TMEM116: variants seen among roughly 807,000 people sequenced by gnomAD.
TMEM116 encodes transmembrane protein 116.
In TMEM116, 38 loss-of-function variants were observed where a neutral mutation model predicts 44.3. The ratio of observed to expected loss-of-function variants is 0.86; its 90% CI spans 0.66 to 1.12. The LOEUF is 1.12. Among genes scored for constraint, TMEM116 ranks in the 50% most tolerant of loss-of-function variants. TMEM116 has a pLI of 0.00. For synonymous variants in TMEM116, 132 were observed against 144.8 expected (o/e 0.91, Z 0.64); for missense variants, 354 against 401.7 (o/e 0.88, Z 1.01).
intron 5 of TMEM116, among the ~76,000 whole-genome samples, chr12:111,939,879 T>C (rs963352114): frequency 4.2e-5 from 5 of 119,232 alleles, no homozygotes; most frequent in African/African-American, 1.0e-4. Flanking sequence ...TCTTCAAAGC[T>C]CTGTGTGTGT....
Position 112,003,868 on chromosome 12 carries a change from GA to G in TMEM116, c.15-6del. 6.7e-7 allele frequency: 1 copy of G among 1,495,950 alleles called. No homozygotes were observed. The allele number at this position is 1,495,950 out of a possible 1,614,324, so 92.7% of individuals were successfully genotyped here. On this transcript the variant is annotated splice_polypyrimidine_tract_variant and splice_region_variant and intron_variant, in intron 2 of 10. Coordinates refer to ENST00000552374, the MANE Select transcript of TMEM116 (RefSeq NM_001193531.2). ...AGTGAACTTGAACCTATAACACTGA[GA>G]AATTTAGAAGATGATTGATCATTAA... is the stretch of plus-strand genomic sequence containing the variant.
Position 111,962,589 on chromosome 12 carries a change from C to T in TMEM116, c.211-19220G>A, listed in dbSNP as rs958205444. On this transcript the variant is annotated intron_variant, in intron 4 of 10. Transcript: ENST00000552374. ...AAAGGATTGCCTATTTAATAAATGG[C>T]GTTGGAAAAACTGGCTAGCCATGTG... 2.0e-5 allele frequency among the ~76,000 whole-genome samples: 3 copies of T among 152,030 alleles called. No homozygotes were observed. In the South Asian group the frequency reaches 6.2e-4, roughly 32 times the overall value.
intron 2 of TMEM116, among the ~76,000 whole-genome samples, chr12:112,004,077 C>A (rs1170596146): frequency 1.3e-5 from 2 of 152,036 alleles, no homozygotes; most frequent in Non-Finnish European, 2.9e-5. Context: ...AACTCCTGGG[C>A]CCTGGTGATC....
intron 1 of TMEM116, among the ~76,000 whole-genome samples, chr12:112,009,683 C>CAA (rs774025829): frequency 9.4e-5 from 13 of 138,594 alleles, no homozygotes; most frequent in African/African-American, 2.4e-4. Context: ...ACTAAAAATA[C>CAA]AAAAAAAAAA....
At chr12:111,981,044 A>T (rs988287039) in intron 4 of TMEM116, among the ~76,000 whole-genome samples, 2 of 151,200 alleles carry the variant, frequency 1.3e-5, no homozygotes, top group Non-Finnish European at 2.9e-5. Flanking sequence ...ACTGCTGGGT[A>T]ACAGAGCGAG....
chr12:111,963,742 C>G (rs1375854564), intron 4 of TMEM116, among the ~76,000 whole-genome samples: 1 of 152,100 alleles, frequency 6.6e-6, no homozygotes, highest in Non-Finnish European at 1.5e-5. Flanking sequence ...GTGCAGCAAA[C>G]CACCATGGCA....
intron 1 of TMEM116, chr12:112,010,821 G>T (rs2077805290): frequency 6.6e-6 from 1 of 152,242 alleles, no homozygotes; most frequent in African/African-American, 2.4e-5. Flanking sequence ...GGTTTTTATG[G>T]ACCTCCGAGG....
chr12:111,932,481 T>C (rs1342481658), intron 10 of TMEM116, 105 bp downstream of exon 10: 3 of 919,400 alleles, frequency 3.3e-6, no homozygotes, highest in Non-Finnish European at 5.2e-6. Context: ...TTTTGCAATG[T>C]AGAAGTACCC....
intron 4 of TMEM116, among the ~76,000 whole-genome samples, chr12:111,968,555 T>C (rs930604125): frequency 6.6e-6 from 1 of 152,142 alleles, no homozygotes; most frequent in African/African-American, 2.4e-5. Context: ...AAACATGACC[T>C]ATACTAAGGA....
At chr12:112,004,361 T>C (rs2077459204) in intron 2 of TMEM116, among the ~76,000 whole-genome samples, 1 of 152,026 alleles carries the variant, frequency 6.6e-6, no homozygotes, top group Admixed American at 6.6e-5. Flanking sequence ...CATAGCTCAC[T>C]GCAGCCTCCA....
chr12:111,942,781 T>C (rs2072951535), intron 5 of TMEM116, among the ~76,000 whole-genome samples: 1 of 136,742 alleles, frequency 7.3e-6, no homozygotes, highest in Admixed American at 8.8e-5. Context: ...TGTGTGTGTG[T>C]GGGTGTGTGT....
In TMEM116 at chr12:111,962,142, A is replaced by C. The variant is rs560087098; in HGVS notation, c.211-18773T>G. Among the ~76,000 whole-genome samples, 439 of 152,346 alleles carry C rather than the reference A, an allele frequency of 2.9e-3. 1 individual carries two copies. The highest frequency in any genetic ancestry group is 4.7e-3 in the Non-Finnish European group (321 of 68,038). ...AAGGACCTCTTCAAGAAGAACTACA[A>C]ACTGCTGCTGAAGGAAATAAGAGAG... On this transcript the variant is annotated intron_variant, in intron 4 of 10. Coordinates refer to ENST00000552374, the MANE Select transcript of TMEM116 (RefSeq NM_001193531.2).
intron 1 of TMEM116, among the ~76,000 whole-genome samples, chr12:112,009,535 TAA>T (rs35585213): frequency 6.6e-4 from 83 of 125,736 alleles, no homozygotes; most frequent in Middle Eastern, 4.2e-3. Context: ...TGGGTTTACT[TAA>T]AAAAAAAAAA....
intron 3 of TMEM116, chr12:111,993,939 G>T: frequency 4.5e-6 from 3 of 663,302 alleles, no homozygotes; most frequent in South Asian, 4.1e-5. Context: ...GTATCATTAT[G>T]ACTGGTACTC....
At chr12:111,998,757 G>T (rs542233106) in intron 3 of TMEM116, among the ~76,000 whole-genome samples, 14 of 152,254 alleles carry the variant, frequency 9.2e-5, no homozygotes, top group Admixed American at 9.2e-4. Flanking sequence ...GGAGATGGAG[G>T]TTGCAGTGAG....
chr12:111,955,881 ACC>A (rs775107258), intron 4 of TMEM116, among the ~76,000 whole-genome samples: 2 of 152,208 alleles, frequency 1.3e-5, no homozygotes, highest in Non-Finnish European at 2.9e-5. Flanking sequence ...TGTAGGCTAT[ACC>A]ATATAGCTTA....
intron 1 of TMEM116, chr12:112,010,575 C>T (rs978254298): frequency 2.0e-5 from 3 of 151,944 alleles, no homozygotes; most frequent in East Asian, 3.9e-4. Flanking sequence ...TGCAACTGAT[C>T]GTCCTAATGT....
chr12:111,936,551 G>A, intron 8 of TMEM116, 141 bp downstream of exon 8: 1 of 834,474 alleles, frequency 1.2e-6, no homozygotes, highest in Non-Finnish European at 1.8e-6. Flanking sequence ...TAATTATATT[G>A]TCAAGATCTC....
chr12:111,949,657 G>C (rs945864767), intron 4 of TMEM116, among the ~76,000 whole-genome samples: 2 of 152,174 alleles, frequency 1.3e-5, no homozygotes, highest in African/African-American at 4.8e-5. Flanking sequence ...AAGAAAATCT[G>C]TAATACACCT....
Sources: gnomAD v4.1 joint callset for allele counts (sites outside exome capture counted in the v4.1 genomes callset) on GRCh38, gnomAD v4.1.1 for gene constraint, MANE v1.5 for transcripts, NCBI Gene and HGNC (gene_info 2026-07-23, HGNC 2026-07-21) for gene names.